The following ARB2A variants were observed in gnomAD, a reference collection of about 807,000 sequenced individuals.
The protein encoded by ARB2A is cotranscriptional regulator ARB2A.
chr5:93,794,052 G>A, the ARB2A span, among the ~76,000 whole-genome samples: 1 of 152,118 alleles, frequency 6.6e-6, no homozygotes, highest in Non-Finnish European at 1.5e-5. Flanking sequence ...CTTTATTGAA[G>A]GTGCAACTGA....
At chr5:94,074,338 A>T in the ARB2A span, among the ~76,000 whole-genome samples, 1 of 152,076 alleles carries the variant, frequency 6.6e-6, no homozygotes, top group Non-Finnish European at 1.5e-5. Context: ...CCAAGCAGAA[A>T]ACATAAGGTA....
At chr5:93,798,902 G>T in the ARB2A span, among the ~76,000 whole-genome samples, 1 of 152,132 alleles carries the variant, frequency 6.6e-6, no homozygotes, top group Non-Finnish European at 1.5e-5. Flanking sequence ...GGGTTGACAG[G>T]CCACCAAGGT....
the ARB2A span, among the ~76,000 whole-genome samples, chr5:93,723,477 T>C: frequency 2.0e-5 from 3 of 152,104 alleles, no homozygotes; most frequent in Non-Finnish European, 4.4e-5. Flanking sequence ...GGGTCTTTTA[T>C]AGACATCAAA....
the ARB2A span, among the ~76,000 whole-genome samples, chr5:93,746,955 G>C: frequency 6.6e-6 from 1 of 152,136 alleles, no homozygotes; most frequent in African/African-American, 2.4e-5. Context: ...TTTTAGCTGA[G>C]TTTGCCCTTG....
the ARB2A span, among the ~76,000 whole-genome samples, chr5:94,030,815 A>G: frequency 6.6e-6 from 1 of 152,164 alleles, no homozygotes; most frequent in African/African-American, 2.4e-5. Context: ...TCTTGAAGGA[A>G]CTGATTAATT....
At chr5:94,048,723 G>T in the ARB2A span, among the ~76,000 whole-genome samples, 1 of 152,152 alleles carries the variant, frequency 6.6e-6, no homozygotes, top group African/African-American at 2.4e-5. Flanking sequence ...TTCTAAAGGG[G>T]CTATTAGCAA....
chr5:93,632,821 C>A, the ARB2A span, among the ~76,000 whole-genome samples: 3 of 152,076 alleles, frequency 2.0e-5, no homozygotes, highest in East Asian at 5.8e-4. Context: ...GAAAGAAAGC[C>A]TAGTAAAACA....
At chr5:93,793,941 C>T in the ARB2A span, among the ~76,000 whole-genome samples, 1 of 152,066 alleles carries the variant, frequency 6.6e-6, no homozygotes, top group Non-Finnish European at 1.5e-5. Context: ...CCACACTGTT[C>T]TTTGAGTATG....
the ARB2A span, among the ~76,000 whole-genome samples, chr5:93,974,371 G>A: frequency 6.6e-6 from 1 of 151,980 alleles, no homozygotes. Flanking sequence ...AGGACAAAAA[G>A]TAATATTACA....
chr5:93,667,166 T>C, the ARB2A span, among the ~76,000 whole-genome samples: 62 of 152,346 alleles, frequency 4.1e-4, no homozygotes, highest in African/African-American at 1.4e-3. Flanking sequence ...TCTGCCTTTA[T>C]GAGGTTTTTC....
the ARB2A span, among the ~76,000 whole-genome samples, chr5:93,975,561 A>G: frequency 1.3e-5 from 2 of 152,136 alleles, no homozygotes; most frequent in African/African-American, 4.8e-5. Flanking sequence ...TAGATTAACA[A>G]AGAAATAAAT....
At chr5:93,633,850 G>A in the ARB2A span, among the ~76,000 whole-genome samples, 1 of 152,068 alleles carries the variant, frequency 6.6e-6, no homozygotes, top group African/African-American at 2.4e-5. Context: ...CTGTCACCCA[G>A]GCTGGAGTAC....
At chr5:93,842,178 G>A in the ARB2A span, among the ~76,000 whole-genome samples, 2 of 152,160 alleles carry the variant, frequency 1.3e-5, no homozygotes, top group African/African-American at 2.4e-5. Context: ...GGCTGCAAAG[G>A]GGCACAAGAG....
chr5:93,827,440 GTTGT>G, the ARB2A span, among the ~76,000 whole-genome samples: 102 of 152,210 alleles, frequency 6.7e-4, no homozygotes, highest in South Asian at 2.9e-3. Context: ...TTTTGATGGG[GTTGT>G]TTGTTTTTTT....
the ARB2A span, among the ~76,000 whole-genome samples, chr5:93,870,483 A>C: frequency 6.6e-6 from 1 of 152,308 alleles, no homozygotes; most frequent in East Asian, 1.9e-4. Context: ...TCAGCTCCAG[A>C]AAAGAGGCAA....
At chr5:93,625,292 T>C in the ARB2A span, among the ~76,000 whole-genome samples, 3 of 152,340 alleles carry the variant, frequency 2.0e-5, no homozygotes, top group East Asian at 1.9e-4. Flanking sequence ...ATGTTATCTG[T>C]AGAATTTATT....
At chr5:93,793,389 C>T in the ARB2A span, among the ~76,000 whole-genome samples, 108 of 151,810 alleles carry the variant, frequency 7.1e-4, 1 homozygote, top group African/African-American at 2.4e-3. Context: ...CAGCCTACAT[C>T]TTTTAACTCC....
chr5:93,629,758 T>TAGAAAA, the ARB2A span, among the ~76,000 whole-genome samples: 1 of 152,152 alleles, frequency 6.6e-6, no homozygotes, highest in East Asian at 1.9e-4. Flanking sequence ...GGCAGGAAAC[T>TAGAAAA]AGAAAGATAT....
chr5:93,636,313 T>C, the ARB2A span, among the ~76,000 whole-genome samples: 1 of 152,234 alleles, frequency 6.6e-6, no homozygotes, highest in African/African-American at 2.4e-5. Flanking sequence ...TTTAAAATAC[T>C]GAGTGCTATA....
Sources: gnomAD v4.1 joint callset for allele counts (sites outside exome capture counted in the v4.1 genomes callset) on GRCh38, gnomAD v4.1.1 for gene constraint, MANE v1.5 for transcripts, NCBI Gene and HGNC (gene_info 2026-07-23, HGNC 2026-07-21) for gene names.